Variants in INSR observed in about 807,000 individuals in gnomAD.
INSR encodes insulin receptor.
A neutral mutation model predicts 142.6 loss-of-function variants in INSR; 67 were observed. The ratio of observed to expected loss-of-function variants is 0.47; its 90% CI spans 0.39 to 0.58. The LOEUF (loss-of-function observed/expected upper bound fraction) is 0.58, where lower values mean the gene tolerates loss of function less well. Among genes scored for constraint, INSR ranks in the 20% least tolerant of loss-of-function variants. The probability of loss-of-function intolerance (pLI) is 0.00; values close to 1 mark genes in which losing one functional copy is unlikely to be tolerated. For missense variants in INSR, 1,248 were observed against 1,833.2 expected (o/e 0.68, Z 5.83); for synonymous variants, 756 against 743.1 (o/e 1.02, Z -0.28).
Position 7,168,179 on chromosome 19 carries a change from G to A in INSR, c.1484-85C>T. On this transcript the variant is annotated intron_variant, in intron 6 of 21. Transcript: ENST00000302850. The surrounding 1 kb of genome is among the most constrained non-coding windows in gnomAD (Gnocchi z 4.3). ...CCTGGGACCCCCACACTTCCTGGAG[G>A]GACCGTGAGAAGGCAGAGGTGACGC... is the stretch of plus-strand genomic sequence containing the variant. 1.4e-6 allele frequency: 2 copies of A among 1,413,842 alleles called. No homozygotes were observed. The highest frequency in any genetic ancestry group is 2.0e-6 in the Non-Finnish European group (2 of 1,005,158). 87.6% of individuals were successfully genotyped at this position (1,413,842 alleles called of 1,614,324 possible). A position where few individuals can be genotyped will look rare whatever the true frequency, so the allele number is the denominator to read the frequency against.
intron 1 of INSR, among the ~76,000 whole-genome samples, chr19:7,285,531 G>A (rs1037915532): frequency 5.9e-5 from 9 of 151,924 alleles, no homozygotes; most frequent in Non-Finnish European, 7.4e-5. Context: ...AGCTACTCAG[G>A]AGGCTGAGGC....
intron 2 of INSR, among the ~76,000 whole-genome samples, chr19:7,239,981 C>T (rs1267509997): frequency 6.6e-6 from 1 of 152,138 alleles, no homozygotes; most frequent in Admixed American, 6.6e-5. Context: ...GTCGCCCAGG[C>T]TGGAGTGCAG....
intron 2 of INSR, among the ~76,000 whole-genome samples, chr19:7,247,421 T>A (rs2145164791): frequency 6.6e-6 from 1 of 152,264 alleles, no homozygotes; most frequent in Non-Finnish European, 1.5e-5. Flanking sequence ...CTCTTCTCGA[T>A]TAGATGTACC....
rs748873429 is a variant in INSR at position 7,166,116 on chromosome 19, G to A, written c.1861+38C>T. 2.5e-6 allele frequency: 4 copies of A among 1,612,268 alleles called. No homozygotes were observed. On this transcript the variant is annotated intron_variant, in intron 8 of 21. Transcript: ENST00000302850. The surrounding 1 kb of genome is among the most constrained non-coding windows in gnomAD (Gnocchi z 4.1). ...TCAGCCTATTAAAAGCAAGAGGTCT[G>A]ATTCACATACGAATTCACATTCCCA...
At chr19:7,179,898 CCATA>C (rs1248412301) in intron 3 of INSR, among the ~76,000 whole-genome samples, 2 of 152,112 alleles carry the variant, frequency 1.3e-5, no homozygotes, top group East Asian at 1.9e-4. Context: ...CTGGGCTTGG[CCATA>C]TGGCTTGCTT....
At chr19:7,213,819 C>A (rs1486761832) in intron 2 of INSR, among the ~76,000 whole-genome samples, 1 of 152,152 alleles carries the variant, frequency 6.6e-6, no homozygotes, top group African/African-American at 2.4e-5. Flanking sequence ...GAAACCCCAT[C>A]TCTAGTAAAG....
At chr19:7,187,532 G>A (rs1974462552) in intron 2 of INSR, among the ~76,000 whole-genome samples, 1 of 152,078 alleles carries the variant, frequency 6.6e-6, no homozygotes, top group Admixed American at 6.6e-5. Flanking sequence ...CATTTATGGG[G>A]TACTTGTGAT....
chr19:7,251,407 C>A (rs1976723577), intron 2 of INSR, among the ~76,000 whole-genome samples: 1 of 151,912 alleles, frequency 6.6e-6, no homozygotes, highest in African/African-American at 2.4e-5. Context: ...CAGGCATGCA[C>A]CACCATGCTC....
intron 2 of INSR, among the ~76,000 whole-genome samples, chr19:7,212,246 G>A (rs907110428): frequency 6.6e-6 from 1 of 152,140 alleles, no homozygotes; most frequent in Non-Finnish European, 1.5e-5. Context: ...CATCAAAGCC[G>A]ATGGGGCTGA....
At chr19:7,188,444 C>T (rs1196206918) in intron 2 of INSR, among the ~76,000 whole-genome samples, 1 of 150,054 alleles carries the variant, frequency 6.7e-6, no homozygotes, top group Non-Finnish European at 1.5e-5. Flanking sequence ...TACTCAGCTA[C>T]TCAGAAGGCT....
chr19:7,211,201 C>T (rs763062347), intron 2 of INSR, among the ~76,000 whole-genome samples: 58 of 151,916 alleles, frequency 3.8e-4, no homozygotes, highest in Admixed American at 1.4e-3. Context: ...CATGTAGCTG[C>T]GACTACAGGT....
intron 11 of INSR, among the ~76,000 whole-genome samples, chr19:7,149,939 AGG>A (rs1973290190): frequency 2.8e-4 from 1 of 3,622 alleles, no homozygotes; most frequent in African/African-American, 4.2e-4. Context: ...AAAAGAAAGA[AGG>A]AAGGAAGGAA....
At chr19:7,270,339 T>TCTCACACACACACACACACACACA (rs1414011806) in intron 1 of INSR, among the ~76,000 whole-genome samples, 1 of 120,248 alleles carries the variant, frequency 8.3e-6, no homozygotes, top group African/African-American at 3.4e-5. Flanking sequence ...TCTCTCTCTC[T>TCTCACACACACACACACACACACA]CACACACACA....
At chr19:7,219,615 G>A (rs1157045620) in intron 2 of INSR, among the ~76,000 whole-genome samples, 3 of 145,918 alleles carry the variant, frequency 2.1e-5, no homozygotes, top group African/African-American at 5.1e-5. Flanking sequence ...AGGGAGGGAG[G>A]GAAGGAGGGA....
At chr19:7,205,039 G>T (rs1975070467) in intron 2 of INSR, among the ~76,000 whole-genome samples, 1 of 152,326 alleles carries the variant, frequency 6.6e-6, no homozygotes, top group Admixed American at 6.5e-5. Flanking sequence ...AGCCGAGAAG[G>T]CACCACTGCA....
intron 13 of INSR, among the ~76,000 whole-genome samples, chr19:7,139,821 C>CCTT (rs1973022750): frequency 8.6e-6 from 1 of 115,734 alleles, no homozygotes; most frequent in Non-Finnish European, 1.7e-5. Context: ...GTTGCGTATT[C>CCTT]TTTTTTTTTT....
chr19:7,259,936 T>C (rs899092655), intron 2 of INSR, among the ~76,000 whole-genome samples: 1 of 152,002 alleles, frequency 6.6e-6, no homozygotes, highest in Non-Finnish European at 1.5e-5. Flanking sequence ...GTCCAGGAGT[T>C]TGAGACCGAC....
chr19:7,226,670 G>A (rs1975794943), intron 2 of INSR, among the ~76,000 whole-genome samples: 1 of 141,436 alleles, frequency 7.1e-6, no homozygotes, highest in Non-Finnish European at 1.5e-5. Flanking sequence ...CAAGGCTACA[G>A]TAAGCCATGA....
At chr19:7,128,823 C>G (rs749735080) in intron 15 of INSR, 29 bp downstream of exon 15, 1 of 1,484,056 alleles carries the variant, frequency 6.7e-7, no homozygotes, top group African/African-American at 1.4e-5. Context: ...CAACTGTTCC[C>G]AGCACACCAC....
Sources: allele counts gnomAD v4.1 joint callset (sites outside exome capture counted in the v4.1 genomes callset), GRCh38; gene constraint gnomAD v4.1.1; non-coding constraint Gnocchi (gnomAD v3.1); transcripts MANE v1.5; gene names NCBI Gene and HGNC (gene_info 2026-07-23, HGNC 2026-07-21).